Variants in ADA2 observed in about 807,000 individuals in gnomAD.
ADA2 encodes the protein adenosine deaminase CECR1.
Under a neutral mutation model 44.2 loss-of-function variants are expected in ADA2, and 29 were observed. That is an observed-to-expected ratio of 0.66 (90% CI 0.49 to 0.89). ADA2 has a LOEUF of 0.89. Among genes scored for constraint, ADA2 ranks in the 40% least tolerant of loss-of-function variants. The probability of loss-of-function intolerance (pLI) is 0.00; values close to 1 mark genes in which losing one functional copy is unlikely to be tolerated. For synonymous variants in ADA2, 215 were observed against 234.9 expected, an observed-to-expected ratio of 0.92 and a Z score of 0.77; for missense variants, 637 against 644.8, an observed-to-expected ratio of 0.99 and a Z score of 0.13.
intron 4 of ADA2, 43 bp from the exon 5 acceptor site, chr22:17,191,853 G>C (rs375822470): frequency 3.7e-5 from 59 of 1,581,808 alleles, no homozygotes; most frequent in Middle Eastern, 1.8e-4. Flanking sequence ...TGAGCAGTGA[G>C]AGACGCCACC....
chr22:17,188,760 T>TC, intron 6 of ADA2: 1 of 167,626 alleles, frequency 6.0e-6, no homozygotes, highest in South Asian at 1.4e-4. Flanking sequence ...GTGCCTGTAG[T>TC]CCCAGCTACT....
intron 4 of ADA2, chr22:17,193,182 A>C (rs2062142826): frequency 7.2e-7 from 1 of 1,384,960 alleles, no homozygotes; most frequent in African/African-American, 1.4e-5. Context: ...ATGTGCAACA[A>C]TCTCCCTGTG....
chr22:17,184,983 A>ATATATATATATATATATAT (rs559045610), intron 7 of ADA2, among the ~76,000 whole-genome samples: 7 of 78,734 alleles, frequency 8.9e-5, no homozygotes, highest in African/African-American at 2.8e-4. Flanking sequence ...CCCATGTCAA[A>ATATATATATATATATATAT]ATATATATAT....
At chr22:17,212,521 G>A (rs2062429372) in intron 1 of ADA2, among the ~76,000 whole-genome samples, 1 of 151,848 alleles carries the variant, frequency 6.6e-6, no homozygotes, top group East Asian at 1.9e-4. Flanking sequence ...TGATCCTCCT[G>A]CCTTGGCCTC....
chr22:17,220,233 A>G (rs2062513440), upstream of ADA2, among the ~76,000 whole-genome samples: 1 of 152,060 alleles, frequency 6.6e-6, no homozygotes, highest in South Asian at 2.1e-4. Flanking sequence ...GGGACAGGAC[A>G]GTAGAGGGGG....
upstream of ADA2, among the ~76,000 whole-genome samples, chr22:17,220,204 G>A (rs969446164): frequency 6.6e-6 from 1 of 152,078 alleles, no homozygotes; most frequent in Non-Finnish European, 1.5e-5. Context: ...TATGTTTTAG[G>A]GGGGAAATCA....
chr22:17,199,652 G>A lies in ADA2; in HGVS notation c.753+3911C>T, dbSNP rs993455367. On this transcript the variant is annotated intron_variant, in intron 4 of 9. Transcript: ENST00000399837. ...CCATTTGAGGTGGGCGTGGCTATTA[G>A]GACGCTCAGAGAGCCCAGCGCGGTG... 6.8e-6 allele frequency: 11 copies of A among 1,612,762 alleles called. No individual in the cohort carries two copies. The African/African-American group carries it at 1.2e-4, about 18-fold the overall frequency.
At chr22:17,199,859 T>C in intron 4 of ADA2, 2 of 881,378 alleles carry the variant, frequency 2.3e-6, no homozygotes, top group Non-Finnish European at 3.1e-6. Flanking sequence ...TGGGTGTATT[T>C]GCCTGAGCTC....
chr22:17,186,495 T>G (rs1166829970), intron 7 of ADA2, among the ~76,000 whole-genome samples: 1 of 151,900 alleles, frequency 6.6e-6, no homozygotes, highest in East Asian at 1.9e-4. Context: ...GGCACGAGAA[T>G]CACTTGAACC....
intron 4 of ADA2, chr22:17,199,431 T>TCTATCCTCTTCCCCTCCCTCCCCTCCG: frequency 4.3e-6 from 4 of 930,072 alleles, no homozygotes; most frequent in Non-Finnish European, 7.0e-6. Context: ...CCTCCCCTCC[T>TCTATCCTCTTCCCCTCCCTCCCCTCCG]CTATCCTCTT....
intron 4 of ADA2, among the ~76,000 whole-genome samples, chr22:17,200,894 A>C (rs1313937788): frequency 1.3e-5 from 2 of 151,486 alleles, no homozygotes; most frequent in Non-Finnish European, 2.9e-5. Flanking sequence ...AAAAAAAAAA[A>C]AACATATCTA....
At chr22:17,190,699 C>A (rs1244316835) in intron 5 of ADA2, among the ~76,000 whole-genome samples, 1 of 152,250 alleles carries the variant, frequency 6.6e-6, no homozygotes, top group Non-Finnish European at 1.5e-5. Context: ...ATGGCCTCTC[C>A]CCAGAGCCTA....
At chr22:17,213,966 T>G (rs5748948) in intron 1 of ADA2, 145,267 of 328,074 alleles carry the variant, frequency 0.44, 35,114 homozygotes, top group East Asian at 0.79. Flanking sequence ...TTGAACCCGG[T>G]AGGGAGAGGT....
At chr22:17,199,423 T>G in intron 4 of ADA2, 2 of 902,824 alleles carry the variant, frequency 2.2e-6, no homozygotes, top group South Asian at 1.3e-5. Flanking sequence ...GTCTCCTCCC[T>G]CCCCTCCTCT....
intron 1 of ADA2, among the ~76,000 whole-genome samples, chr22:17,215,230 A>G (rs2062457854): frequency 6.6e-6 from 1 of 152,270 alleles, no homozygotes; most frequent in Non-Finnish European, 1.5e-5. Flanking sequence ...ATTACACAAG[A>G]AAGCAGAAGC....
In ADA2 at chr22:17,188,417, G is replaced by A. The variant is rs1368627486; in HGVS notation, c.1003C>T (p.His335Tyr). The change falls in exon 7 of 10, where the codon CAT becomes TAT. Residue 335 changes from histidine to tyrosine, a missense_variant. Transcript: ENST00000399837. Reference sequence around the variant, plus strand: ...ATCATCAGAGCTTCCTTGTAGTCATGCAAGGAGTGGCCAGTGTCCTCATGC... The same window carrying A: ...ATCATCAGAGCTTCCTTGTAGTCATACAAGGAGTGGCCAGTGTCCTCATGC... ...VGHEDTGHSLHDYKEALMIPA... is the reference protein window; with the variant it reads ...VGHEDTGHSLYDYKEALMIPA... 3.7e-6 allele frequency: 6 copies of A among 1,613,332 alleles called. No individual in the cohort carries two copies. Among genetic ancestry groups the A allele is most frequent in the African/African-American group, 1.3e-5 (1 of 74,900 alleles).
At chr22:17,189,314 A>C (rs1051549268) in intron 6 of ADA2, among the ~76,000 whole-genome samples, 4 of 152,010 alleles carry the variant, frequency 2.6e-5, no homozygotes, top group Non-Finnish European at 5.9e-5. Context: ...CCCGGCCTAG[A>C]TTCTTTATGA....
At chr22:17,189,742 C>T (rs954954372) in intron 6 of ADA2, 200 bp downstream of exon 6, 16 of 536,602 alleles carry the variant, frequency 3.0e-5, no homozygotes, top group Non-Finnish European at 4.0e-5. Context: ...CCAGTGACAG[C>T]CGTCCCCTGT....
intron 1 of ADA2, chr22:17,214,144 AG>A: frequency 1.4e-6 from 1 of 735,898 alleles, no homozygotes; most frequent in Non-Finnish European, 2.4e-6. Context: ...TCCCAGAGTC[AG>A]CTGGACGAAA....
Sources: gnomAD v4.1 joint callset for allele counts (sites outside exome capture counted in the v4.1 genomes callset) on GRCh38, gnomAD v4.1.1 for gene constraint, MANE v1.5 for transcripts, NCBI Gene and HGNC (gene_info 2026-07-23, HGNC 2026-07-21) for gene names.